The following NRG3 variants were observed in gnomAD, a reference collection of about 807,000 sequenced individuals.
NRG3 encodes pro-neuregulin-3, membrane-bound isoform.
In NRG3, 31 loss-of-function variants were observed where a neutral mutation model predicts 66.9. That is an observed-to-expected ratio of 0.46 (90% CI 0.35 to 0.63). NRG3 has a LOEUF of 0.63. Ranked by LOEUF, NRG3 falls within the 20% of genes least tolerant of loss-of-function variation. The pLI is 0.00. For missense variants in NRG3, 910 were observed against 878.9 expected (o/e 1.04, Z -0.45); for synonymous variants, 393 against 359.4 (o/e 1.09, Z -1.06).
intron 2 of NRG3, among the ~76,000 whole-genome samples, chr10:82,546,935 G>GA (rs1281575069): frequency 4.6e-5 from 7 of 151,906 alleles, no homozygotes; most frequent in Non-Finnish European, 5.9e-5. Flanking sequence ...AAAATAGGGG[G>GA]AAAAAACAAA....
chr10:82,228,613 T>A (rs1428973314), intron 1 of NRG3, among the ~76,000 whole-genome samples: 2 of 152,172 alleles, frequency 1.3e-5, no homozygotes, highest in African/African-American at 4.8e-5. Context: ...TTTGTAGATA[T>A]GAAATATATT....
At chr10:82,868,536 G>A (rs1376249455) in intron 4 of NRG3, among the ~76,000 whole-genome samples, 1 of 152,080 alleles carries the variant, frequency 6.6e-6, no homozygotes, top group Non-Finnish European at 1.5e-5. Flanking sequence ...ATAGATAATG[G>A]CAGCTAAAAA....
At chr10:81,915,505 T>TTTTTTTTTGTTTTTTTC (rs1564654214) in intron 1 of NRG3, among the ~76,000 whole-genome samples, 3 of 151,492 alleles carry the variant, frequency 2.0e-5, no homozygotes, top group Admixed American at 6.6e-5. Context: ...AGTTTTTTTT[T>TTTTTTTTTGTTTTTTTC]TTTTTGCCAA....
At chr10:82,032,185 A>G (rs144340864) in intron 1 of NRG3, among the ~76,000 whole-genome samples, 85 of 151,508 alleles carry the variant, frequency 5.6e-4, no homozygotes, top group African/African-American at 2.0e-3. Flanking sequence ...TTTAAGAGTC[A>G]TGATGTTACT....
At chr10:81,886,723 C>T (rs1324195894) in intron 1 of NRG3, among the ~76,000 whole-genome samples, 2 of 152,010 alleles carry the variant, frequency 1.3e-5, no homozygotes, top group African/African-American at 2.4e-5. Context: ...TTTGTTTACC[C>T]ATGTGATAGA....
intron 2 of NRG3, among the ~76,000 whole-genome samples, chr10:82,532,317 C>T (rs1453808392): frequency 1.3e-5 from 2 of 151,472 alleles, no homozygotes; most frequent in African/African-American, 4.8e-5. Context: ...TTCTGACTTA[C>T]TTCACTTAGC....
In NRG3 at chr10:81,996,962, C is replaced by A. The variant is rs190208374; in HGVS notation, c.823+120799C>A. On this transcript the variant is annotated intron_variant, in intron 1 of 8. Coordinates refer to ENST00000372141, the MANE Select transcript of NRG3 (RefSeq NM_001010848.4). ...GAAAAAAAAATAATTTGTTATTATT[C>A]TTCCTTGAAAGTCATGTATTTAAAT... Among the ~76,000 whole-genome samples the A allele has an allele frequency of 1.9e-4, 29 of 152,130 alleles. No individual in the cohort carries two copies. In the East Asian group the frequency reaches 4.4e-3, roughly 23 times the overall value.
intron 1 of NRG3, among the ~76,000 whole-genome samples, chr10:82,246,037 T>C (rs1338252051): frequency 6.6e-6 from 1 of 150,986 alleles, no homozygotes; most frequent in Non-Finnish European, 1.5e-5. Context: ...CGGGTATTTA[T>C]TCCTCAGGAA....
At chr10:81,900,881 A>G (rs968242461) in intron 1 of NRG3, among the ~76,000 whole-genome samples, 1 of 152,030 alleles carries the variant, frequency 6.6e-6, no homozygotes, top group African/African-American at 2.4e-5. Flanking sequence ...ATAGAAAGTA[A>G]AACATTTTAA....
intron 4 of NRG3, among the ~76,000 whole-genome samples, chr10:82,890,778 C>T (rs919419963): frequency 1.3e-5 from 2 of 152,268 alleles, no homozygotes; most frequent in East Asian, 1.9e-4. Flanking sequence ...TTGCGTAAGA[C>T]GTTCTGTTAC....
intron 1 of NRG3, among the ~76,000 whole-genome samples, chr10:82,044,900 C>T (rs1429500646): frequency 1.3e-5 from 2 of 151,752 alleles, no homozygotes; most frequent in Non-Finnish European, 2.9e-5. Flanking sequence ...ATGAACTCAT[C>T]ATTTTTTATG....
chr10:82,410,619 T>C (rs2088001076), intron 2 of NRG3, among the ~76,000 whole-genome samples: 1 of 151,516 alleles, frequency 6.6e-6, no homozygotes, highest in Non-Finnish European at 1.5e-5. Flanking sequence ...AGGTTGATGG[T>C]TGTACAACCT....
At chr10:82,761,944 C>CT (rs2059331656) in intron 3 of NRG3, among the ~76,000 whole-genome samples, 1 of 129,754 alleles carries the variant, frequency 7.7e-6, no homozygotes, top group African/African-American at 2.9e-5. Flanking sequence ...TTCTTTCTTT[C>CT]TTTCTTTCTT....
At chr10:82,793,400 A>G (rs2060669529) in intron 3 of NRG3, among the ~76,000 whole-genome samples, 1 of 152,172 alleles carries the variant, frequency 6.6e-6, no homozygotes, top group South Asian at 2.1e-4. Context: ...GAGGGTAGAT[A>G]TGGTCACCCA....
chr10:82,547,468 T>C (rs2043996583), intron 2 of NRG3, among the ~76,000 whole-genome samples: 1 of 149,476 alleles, frequency 6.7e-6, no homozygotes, highest in Non-Finnish European at 1.5e-5. Flanking sequence ...TGTATGTATA[T>C]ATGTATATAT....
At chr10:82,772,065 C>G (rs1038388366) in intron 3 of NRG3, among the ~76,000 whole-genome samples, 1 of 152,092 alleles carries the variant, frequency 6.6e-6, no homozygotes, top group African/African-American at 2.4e-5. Flanking sequence ...ACTTCTTTGC[C>G]TTTCTCTTTT....
intron 4 of NRG3, among the ~76,000 whole-genome samples, chr10:82,940,808 C>T (rs1848516808): frequency 6.6e-6 from 1 of 152,070 alleles, no homozygotes; most frequent in South Asian, 2.1e-4. Context: ...GCCCTCATGA[C>T]TTACCCACTT....
intron 1 of NRG3, among the ~76,000 whole-genome samples, chr10:81,891,775 C>T (rs1843029634): frequency 6.6e-6 from 1 of 152,130 alleles, no homozygotes; most frequent in South Asian, 2.1e-4. Flanking sequence ...TTGTTTGAGA[C>T]CCCAGGGTAA....
chr10:82,415,281 T>A (rs2088460012), intron 2 of NRG3, among the ~76,000 whole-genome samples: 1 of 152,172 alleles, frequency 6.6e-6, no homozygotes, highest in Non-Finnish European at 1.5e-5. Context: ...CTGGAAAATG[T>A]CGTTCATATG....
Sources: gnomAD v4.1 joint callset for allele counts (sites outside exome capture counted in the v4.1 genomes callset) on GRCh38, gnomAD v4.1.1 for gene constraint, MANE v1.5 for transcripts, NCBI Gene and HGNC (gene_info 2026-07-23, HGNC 2026-07-21) for gene names.